The following CDH18 variants were observed in gnomAD, a reference collection of about 807,000 sequenced individuals.
The protein encoded by CDH18 is cadherin-18.
In CDH18, 31 loss-of-function variants were observed where a neutral mutation model predicts 67.9. The ratio of observed to expected loss-of-function variants is 0.46; its 90% CI spans 0.34 to 0.62. The LOEUF is 0.62. CDH18 is among the 20% of genes least tolerant of loss of function. CDH18 has a pLI of 0.01. For missense variants in CDH18, 890 were observed against 975.5 expected, an observed-to-expected ratio of 0.91 and a Z score of 1.17; for synonymous variants, 362 against 347.2, an observed-to-expected ratio of 1.04 and a Z score of -0.48.
chr5:19,526,824 C>T lies in CDH18; in HGVS notation c.1391-6046G>A, dbSNP rs1278353969. On this transcript the variant is annotated intron_variant, in intron 9 of 12. Transcript: ENST00000382275. ...TTGCAGATTATTTTCCTAAAATGTG[C>T]TTTTATTGCTTTCATTATGAAAATT... Among the ~76,000 whole-genome samples, 4 of 151,850 alleles carry T rather than the reference C, an allele frequency of 2.6e-5. No homozygotes were observed. The East Asian group carries it at 5.8e-4, about 22-fold the overall frequency.
At chr5:20,059,974 G>T in intron 2 of CDH18, among the ~76,000 whole-genome samples, 6 of 150,758 alleles carry the variant, frequency 4.0e-5, no homozygotes, top group Admixed American at 2.0e-4. Flanking sequence ...GGGGCTTGTC[G>T]GGGGCTGGGG....
chr5:20,305,394 T>G (rs1736329366), intron 1 of CDH18: 3 of 1,548,498 alleles, frequency 1.9e-6, no homozygotes, highest in Non-Finnish European at 2.7e-6. Flanking sequence ...CCTCTTCAGC[T>G]TCATCTTCTT....
intron 11 of CDH18, among the ~76,000 whole-genome samples, chr5:19,490,394 GTTTTTTTTTTTTT>G (rs70950073): frequency 1.7e-4 from 10 of 60,208 alleles, no homozygotes; most frequent in South Asian, 1.2e-3. Flanking sequence ...ATAAAAATCT[GTTTTTTTTTTTTT>G]TTTTTTTTTT....
intron 5 of CDH18, among the ~76,000 whole-genome samples, chr5:19,710,266 C>A (rs146738913): frequency 1.6e-4 from 24 of 152,198 alleles, no homozygotes; most frequent in African/African-American, 5.8e-4. Flanking sequence ...AAACCATGAG[C>A]ATTAATATTA....
chr5:19,619,850 G>A (rs1486021878), intron 5 of CDH18, among the ~76,000 whole-genome samples: 1 of 152,124 alleles, frequency 6.6e-6, no homozygotes, highest in Non-Finnish European at 1.5e-5. Context: ...GTGGGTGATG[G>A]ATTAAAACCT....
chr5:19,782,082 A>G (rs1775177015), intron 3 of CDH18, among the ~76,000 whole-genome samples: 1 of 152,148 alleles, frequency 6.6e-6, no homozygotes, highest in Non-Finnish European at 1.5e-5. Context: ...ACACACCTGT[A>G]TTAATTTATT....
chr5:19,988,513 G>T (rs1318163501), upstream of CDH18, among the ~76,000 whole-genome samples: 1 of 151,994 alleles, frequency 6.6e-6, no homozygotes, highest in African/African-American at 2.4e-5. Flanking sequence ...TAAAATCCCT[G>T]ATCCAACGGC....
At chr5:19,633,314 A>C (rs1752669414) in intron 5 of CDH18, among the ~76,000 whole-genome samples, 1 of 152,174 alleles carries the variant, frequency 6.6e-6, no homozygotes, top group East Asian at 1.9e-4. Context: ...ACAAATTAGA[A>C]ATCACCAAAA....
intron 2 of CDH18, among the ~76,000 whole-genome samples, chr5:19,953,353 A>G (rs1795978731): frequency 6.6e-6 from 1 of 152,120 alleles, no homozygotes; most frequent in African/African-American, 2.4e-5. Flanking sequence ...TTATTAATCA[A>G]TTAAAGAACT....
chr5:20,438,248 A>ATG (rs1359169598), intron 1 of CDH18, among the ~76,000 whole-genome samples: 1 of 150,268 alleles, frequency 6.7e-6, no homozygotes, highest in Non-Finnish European at 1.5e-5. Context: ...ATATATATAT[A>ATG]TATATGTATG....
chr5:20,428,573 G>C (rs1283153083), intron 1 of CDH18, among the ~76,000 whole-genome samples: 1 of 152,136 alleles, frequency 6.6e-6, no homozygotes, highest in Non-Finnish European at 1.5e-5. Context: ...GTGTAAAAGG[G>C]TTCCTATGTC....
rs139157028 is a variant in CDH18 at position 19,975,323 on chromosome 5, C to T, written c.-257+5737G>A. On this transcript the variant is annotated intron_variant, in intron 2 of 12. Transcript: ENST00000382275. ...GCCAAAATAATATACTTTTATGTGT[C>T]ATAAAGCTGTAATTTTCTTAGGTAG... 1.4e-3 allele frequency among the ~76,000 whole-genome samples: 207 copies of T among 151,862 alleles called. 1 individual carries two copies. The highest frequency in any genetic ancestry group is 4.8e-3 in the African/African-American group (199 of 41,438).
At chr5:20,102,821 G>GA (rs905511148) in intron 2 of CDH18, among the ~76,000 whole-genome samples, 14 of 150,366 alleles carry the variant, frequency 9.3e-5, no homozygotes, top group South Asian at 2.1e-4. Flanking sequence ...TAATTTAGCT[G>GA]AAAAAAAAAT....
chr5:20,291,839 TA>T (rs1287994522), intron 1 of CDH18, among the ~76,000 whole-genome samples: 153 of 152,290 alleles, frequency 1.0e-3, no homozygotes, highest in African/African-American at 3.5e-3. Context: ...AAACTGCCTT[TA>T]TTTTATTTAC....
At chr5:20,030,439 A>G (rs878977732) in intron 2 of CDH18, among the ~76,000 whole-genome samples, 1 of 152,174 alleles carries the variant, frequency 6.6e-6, no homozygotes, top group Admixed American at 6.5e-5. Context: ...CAAATCTTAC[A>G]TCTGATTATT....
chr5:20,469,088 G>A (rs1175913155), intron 1 of CDH18, among the ~76,000 whole-genome samples: 1 of 152,180 alleles, frequency 6.6e-6, no homozygotes, highest in Non-Finnish European at 1.5e-5. Flanking sequence ...CAGGAAGGCA[G>A]CAAGTGCCAA....
intron 1 of CDH18, among the ~76,000 whole-genome samples, chr5:20,382,587 A>G (rs1015392907): frequency 2.6e-5 from 4 of 152,152 alleles, no homozygotes; most frequent in Non-Finnish European, 5.9e-5. Flanking sequence ...TATAGAAGGA[A>G]ATGGGTAAGA....
At chr5:19,539,183 A>G (rs781609435) in intron 9 of CDH18, among the ~76,000 whole-genome samples, 7 of 152,160 alleles carry the variant, frequency 4.6e-5, no homozygotes, top group Non-Finnish European at 8.8e-5. Flanking sequence ...TTAGAATTAA[A>G]TTATATTTTA....
intron 5 of CDH18, among the ~76,000 whole-genome samples, chr5:19,663,944 A>G (rs928439418): frequency 3.3e-5 from 5 of 151,728 alleles, no homozygotes; most frequent in Non-Finnish European, 7.4e-5. Context: ...TGTTAAGAGG[A>G]AAAAAGTTTA....
Sources: allele counts gnomAD v4.1 joint callset (sites outside exome capture counted in the v4.1 genomes callset), GRCh38; gene constraint gnomAD v4.1.1; transcripts MANE v1.5; gene names NCBI Gene and HGNC (gene_info 2026-07-23, HGNC 2026-07-21).